TMTC2: variants seen among roughly 807,000 people sequenced by gnomAD.
The protein encoded by TMTC2 is protein O-mannosyl-transferase TMTC2.
In TMTC2, 43 loss-of-function variants were observed where a neutral mutation model predicts 82.4. The ratio of observed to expected loss-of-function variants is 0.52; its 90% confidence interval spans 0.41 to 0.67. The LOEUF (loss-of-function observed/expected upper bound fraction) is 0.67. Ranked by LOEUF, TMTC2 falls within the 30% of genes least tolerant of loss-of-function variation. The probability of loss-of-function intolerance (pLI) is 0.00; values close to 1 mark genes in which losing one functional copy is unlikely to be tolerated. For missense variants in TMTC2, 919 were observed against 1,012.4 expected (o/e 0.91, Z 1.25); for synonymous variants, 408 against 381.9 (o/e 1.07, Z -0.80).
intron 3 of TMTC2, among the ~76,000 whole-genome samples, chr12:82,898,465 G>A (rs191476774): frequency 6.6e-6 from 1 of 152,324 alleles, no homozygotes. Context: ...TTCAGGCTAA[G>A]CTGCTGTTAC....
intron 1 of TMTC2, among the ~76,000 whole-genome samples, chr12:82,746,964 A>T (rs1875724653): frequency 6.6e-6 from 1 of 152,204 alleles, no homozygotes; most frequent in African/African-American, 2.4e-5. Context: ...AACTTGAATG[A>T]TCATGGAAGT....
At chr12:82,701,327 A>G (rs1873066961) in intron 1 of TMTC2, among the ~76,000 whole-genome samples, 1 of 152,212 alleles carries the variant, frequency 6.6e-6, no homozygotes, top group South Asian at 2.1e-4. Flanking sequence ...TTTGTTTTAC[A>G]GTAAGCAGCA....
Position 83,045,729 on chromosome 12 carries a change from A to G in TMTC2, c.2153-5175A>G, listed in dbSNP as rs532432539. ...CCTTCACACACACACACACACACGC[A>G]CACACACACACACACACACACACCA... On this transcript the variant is annotated intron_variant, in intron 9 of 11. Transcript: ENST00000321196. Among the ~76,000 whole-genome samples the G allele has an allele frequency of 2.7e-3, 389 of 145,772 alleles. 3 individuals carry two copies. The highest frequency in any genetic ancestry group is 7.0e-3 in the Admixed American group (101 of 14,478).
chr12:82,720,024 T>C (rs914186233), intron 1 of TMTC2, among the ~76,000 whole-genome samples: 2 of 152,178 alleles, frequency 1.3e-5, no homozygotes, highest in Admixed American at 1.3e-4. Context: ...CTTGCATATT[T>C]TCTGTTTTTT....
At chr12:82,935,687 A>T (rs1012530114) in intron 4 of TMTC2, among the ~76,000 whole-genome samples, 1 of 152,162 alleles carries the variant, frequency 6.6e-6, no homozygotes, top group African/African-American at 2.4e-5. Flanking sequence ...ATAGAGCATT[A>T]AATATTGTAT....
chr12:82,858,558 T>C (rs370133585), intron 2 of TMTC2, among the ~76,000 whole-genome samples: 2 of 152,210 alleles, frequency 1.3e-5, no homozygotes, highest in African/African-American at 4.8e-5. Flanking sequence ...TTTTTCACCA[T>C]CGATTTCTAA....
chr12:82,772,608 G>A (rs1292390844), intron 1 of TMTC2, among the ~76,000 whole-genome samples: 1 of 152,134 alleles, frequency 6.6e-6, no homozygotes, highest in African/African-American at 2.4e-5. Flanking sequence ...CACAGCAGCA[G>A]GTAGAAAAAA....
intron 3 of TMTC2, among the ~76,000 whole-genome samples, chr12:82,907,865 G>A (rs1364035938): frequency 6.6e-6 from 1 of 152,230 alleles, no homozygotes; most frequent in East Asian, 1.9e-4. Context: ...TGTAATCCCA[G>A]CACTCTAGGA....
At chr12:83,077,965 C>T (rs962036504) in intron 11 of TMTC2, among the ~76,000 whole-genome samples, 6 of 150,866 alleles carry the variant, frequency 4.0e-5, no homozygotes, top group Admixed American at 6.6e-5. Flanking sequence ...TTTTCCTCCC[C>T]CCCACAATAC....
chr12:82,834,168 A>G (rs561453997), intron 1 of TMTC2, among the ~76,000 whole-genome samples: 1 of 152,352 alleles, frequency 6.6e-6, no homozygotes, highest in Non-Finnish European at 1.5e-5. Context: ...AGCAAAAATG[A>G]GACAACTTAC....
At chr12:82,864,625 C>CCTA (rs1377842276) in intron 2 of TMTC2, among the ~76,000 whole-genome samples, 1 of 150,892 alleles carries the variant, frequency 6.6e-6, no homozygotes, top group African/African-American at 2.4e-5. Flanking sequence ...CCTCAGCCTC[C>CCTA]CGAGTAGCTG....
rs890013473 is a variant in TMTC2 at position 82,701,709 on chromosome 12, C to T, written c.83+14040C>T. Among the ~76,000 whole-genome samples the T allele has an allele frequency of 5.4e-5, 8 of 149,476 alleles. No individual in the cohort carries two copies. The South Asian group carries it at 6.4e-4, about 12-fold the overall frequency. ...CTGGGAGGCAGAGGTTGCAGTGAGC[C>T]GACATCGTGCCATTGTGCTCTACCC... On this transcript the variant is annotated intron_variant, in intron 1 of 11. Transcript: ENST00000321196.
intron 8 of TMTC2, among the ~76,000 whole-genome samples, chr12:82,999,353 A>G (rs1288461461): frequency 6.6e-6 from 1 of 152,198 alleles, no homozygotes; most frequent in Admixed American, 6.5e-5. Flanking sequence ...TCCTCATGAT[A>G]TCAAGGATAT....
chr12:82,879,005 A>T (rs149225759), intron 2 of TMTC2, among the ~76,000 whole-genome samples: 12 of 152,222 alleles, frequency 7.9e-5, no homozygotes, highest in Non-Finnish European at 1.5e-4. Context: ...CTTCCAACAC[A>T]TATAGACATC....
At chr12:82,769,276 C>T (rs1338452284) in intron 1 of TMTC2, among the ~76,000 whole-genome samples, 1 of 151,642 alleles carries the variant, frequency 6.6e-6, no homozygotes, top group Non-Finnish European at 1.5e-5. Context: ...AGTTTGAGAC[C>T]AGCCTGGCCA....
At chr12:83,014,830 AAC>A (rs1474755503) in intron 8 of TMTC2, among the ~76,000 whole-genome samples, 1 of 152,192 alleles carries the variant, frequency 6.6e-6, no homozygotes, top group Non-Finnish European at 1.5e-5. Flanking sequence ...CTATCCCTAT[AAC>A]ACAAAGATCA....
At chr12:82,816,460 C>T (rs1868730816) in intron 1 of TMTC2, among the ~76,000 whole-genome samples, 1 of 151,870 alleles carries the variant, frequency 6.6e-6, no homozygotes, top group Admixed American at 6.6e-5. Flanking sequence ...AGGAGACTGC[C>T]AGGGAGTCTC....
rs748541775 is a variant in TMTC2, at chr12:82,896,214, G to A, written c.1051G>A (p.Gly351Arg). 7 of 1,613,952 alleles carry A rather than the reference G, an allele frequency of 4.3e-6. No homozygotes were observed. In the Admixed American group the frequency reaches 8.3e-5, roughly 19 times the overall value. Residue 351 changes from glycine (G) to arginine (R), a missense_variant, in exon 3 of 12, where the codon GGA (glycine) becomes AGA (arginine). Coordinates refer to ENST00000321196, the MANE Select transcript of TMTC2 (RefSeq NM_152588.3). ...TVTNGKQNANGHSCLSDVEYQ... is the reference protein window; with the variant it reads ...TVTNGKQNANRHSCLSDVEYQ... ...AACAAATGGCAAGCAGAATGCAAAT[G>A]GACATAGCTGCCTTTCAGATGTGGA...
At chr12:82,944,845 G>A (rs1592646926) in intron 4 of TMTC2, among the ~76,000 whole-genome samples, 1 of 152,160 alleles carries the variant, frequency 6.6e-6, no homozygotes, top group African/African-American at 2.4e-5. Flanking sequence ...AGAACAGCAT[G>A]TTGCTATCAC....
Sources: gnomAD v4.1 joint callset for allele counts (sites outside exome capture counted in the v4.1 genomes callset) on GRCh38, gnomAD v4.1.1 for gene constraint, MANE v1.5 for transcripts, NCBI Gene and HGNC (gene_info 2026-07-23, HGNC 2026-07-21) for gene names.